Variants in SNX6 observed in about 807,000 individuals in gnomAD.
SNX6 encodes sorting nexin-6.
SNX6 carries 34 observed loss-of-function variants against 63.0 expected under a neutral mutation model. That is an observed-to-expected ratio of 0.54 (90% CI 0.41 to 0.72). SNX6 has a LOEUF of 0.72. Among genes scored for constraint, SNX6 ranks in the 30% least tolerant of loss-of-function variants. SNX6 has a pLI of 0.00. For synonymous variants in SNX6, 170 were observed against 164.2 expected (o/e 1.04, Z -0.27); for missense variants, 398 against 471.4 (o/e 0.84, Z 1.44).
intron 2 of SNX6, among the ~76,000 whole-genome samples, chr14:34,620,448 G>A (rs1464594550): frequency 6.6e-6 from 1 of 151,928 alleles, no homozygotes; most frequent in Non-Finnish European, 1.5e-5. Flanking sequence ...GCCACTACAT[G>A]CCAGCCTGGG....
chr14:34,564,603 G>T lies in SNX6; in HGVS notation c.1168-1428C>A, dbSNP rs1011007885. ...AGCACTCTGGGAAGCCGAGGTAGGC[G>T]GATCACCTGAGGTCAGCAGTTTGAG... On this transcript the variant is annotated intron_variant, in intron 13 of 13. Transcript: ENST00000362031. 2.0e-5 allele frequency among the ~76,000 whole-genome samples: 3 copies of T among 151,964 alleles called. No homozygotes were observed. The East Asian group carries it at 5.8e-4, about 29-fold the overall frequency.
At chr14:34,624,549 G>GC (rs1883749736) in intron 2 of SNX6, among the ~76,000 whole-genome samples, 1 of 152,024 alleles carries the variant, frequency 6.6e-6, no homozygotes, top group South Asian at 2.1e-4. Context: ...TGTAATCCCA[G>GC]CACTTTGGGA....
At chr14:34,599,170 T>C (rs192777179) in intron 6 of SNX6, among the ~76,000 whole-genome samples, 3 of 152,322 alleles carry the variant, frequency 2.0e-5, no homozygotes, top group Admixed American at 6.5e-5. Flanking sequence ...TATTTTGTTA[T>C]AGCAGCCAAA....
chr14:34,574,619 CAAAAAAAAA>C (rs33959613), intron 11 of SNX6, among the ~76,000 whole-genome samples: 1 of 79,438 alleles, frequency 1.3e-5, no homozygotes, highest in Non-Finnish European at 2.5e-5. Flanking sequence ...GACTCCATCT[CAAAAAAAAA>C]AAAAAAAAAA....
At chr14:34,609,542 C>T (rs1883146587) in intron 3 of SNX6, 96 bp downstream of exon 3, 181 of 359,260 alleles carry the variant, frequency 5.0e-4, no homozygotes, top group South Asian at 2.3e-3. Flanking sequence ...AAAATAGTTT[C>T]TTTCCAATTA....
chr14:34,616,407 C>A (rs1444948676), intron 2 of SNX6, among the ~76,000 whole-genome samples: 1 of 152,084 alleles, frequency 6.6e-6, no homozygotes, highest in Non-Finnish European at 1.5e-5. Context: ...TCTTGCACTG[C>A]TACCCAGGTT....
At chr14:34,569,564 C>T (rs566890917) in intron 11 of SNX6, among the ~76,000 whole-genome samples, 21 of 152,092 alleles carry the variant, frequency 1.4e-4, no homozygotes, top group African/African-American at 4.8e-4. Flanking sequence ...GTAGCTGGGA[C>T]TACAGGCGTG....
At chr14:34,577,852 A>G (rs1881771803) in intron 10 of SNX6, among the ~76,000 whole-genome samples, 1 of 152,194 alleles carries the variant, frequency 6.6e-6, no homozygotes, top group African/African-American at 2.4e-5. Flanking sequence ...AGGTATGCAT[A>G]AAGGACACAG....
intron 4 of SNX6, among the ~76,000 whole-genome samples, chr14:34,607,068 G>C (rs1174986562): frequency 6.6e-6 from 1 of 151,846 alleles, no homozygotes; most frequent in Admixed American, 6.6e-5. Flanking sequence ...ATGAGCTACC[G>C]TGCCCAGCCC....
At chr14:34,609,603 G>A (rs757287870) in intron 3 of SNX6, 35 bp downstream of exon 3, 21 of 1,387,144 alleles carry the variant, frequency 1.5e-5, no homozygotes, top group Non-Finnish European at 2.0e-5. Flanking sequence ...TATAATAAAT[G>A]GCTAAAATAA....
At chr14:34,596,889 C>G (rs550711180) in intron 7 of SNX6, among the ~76,000 whole-genome samples, 10 of 151,936 alleles carry the variant, frequency 6.6e-5, no homozygotes, top group Admixed American at 2.0e-4. Flanking sequence ...AGGTTGGTCT[C>G]GAAAACTCCT....
Position 34,609,379 on chromosome 14 carries a change from G to T in SNX6, c.159+259C>A, listed in dbSNP as rs1442773724. The stretch of plus-strand genomic sequence containing the variant: ...GCCTGTAGTCCCAGCTACTCTGGAG[G>T]CTGAGGCAGGAGAATGGCGTGAACC... On this transcript the variant is annotated intron_variant, in intron 3 of 13. Coordinates refer to ENST00000362031, the MANE Select transcript of SNX6 (RefSeq NM_152233.4). Among the ~76,000 whole-genome samples the T allele has an allele frequency of 2.0e-5, 3 of 150,294 alleles. No homozygotes were observed. In the South Asian group the frequency reaches 6.3e-4, roughly 32 times the overall value.
intron 2 of SNX6, among the ~76,000 whole-genome samples, chr14:34,614,281 T>C (rs1334851741): frequency 4.7e-5 from 7 of 150,020 alleles, no homozygotes; most frequent in Non-Finnish European, 1.0e-4. Flanking sequence ...CCGAAAACAA[T>C]AACCAAAACA....
At chr14:34,568,321 C>T (rs1032650146) in intron 11 of SNX6, among the ~76,000 whole-genome samples, 4 of 151,564 alleles carry the variant, frequency 2.6e-5, no homozygotes, top group South Asian at 2.1e-4. Context: ...ACCTCCACCT[C>T]GCAGATTCAA....
chr14:34,578,907 C>A (rs1881820342), intron 10 of SNX6, among the ~76,000 whole-genome samples: 2 of 119,092 alleles, frequency 1.7e-5, no homozygotes, highest in African/African-American at 3.1e-5. Context: ...CCACTGCACT[C>A]CAGCCTGGCG....
intron 2 of SNX6, among the ~76,000 whole-genome samples, chr14:34,613,540 C>T (rs1883308592): frequency 6.6e-6 from 1 of 152,106 alleles, no homozygotes; most frequent in Non-Finnish European, 1.5e-5. Context: ...CGCCTGTAAT[C>T]CCAGCACTTT....
At chr14:34,582,716 T>G (rs1446247106) in intron 9 of SNX6, among the ~76,000 whole-genome samples, 1 of 151,956 alleles carries the variant, frequency 6.6e-6, no homozygotes, top group Non-Finnish European at 1.5e-5. Context: ...CTAATTTTTG[T>G]ATTTTTAGTA....
intron 10 of SNX6, among the ~76,000 whole-genome samples, chr14:34,579,825 CAAA>C (rs557462263): frequency 1.8e-5 from 2 of 114,196 alleles, no homozygotes; most frequent in Non-Finnish European, 1.9e-5. Flanking sequence ...CTGTCTCTAC[CAAA>C]AAAAAAAAAA....
intron 1 of SNX6, 40 bp from the exon 2 acceptor site, chr14:34,629,994 G>C: frequency 6.6e-7 from 1 of 1,520,426 alleles, no homozygotes; most frequent in Non-Finnish European, 8.8e-7. Context: ...GGAAAAGGAT[G>C]AGATGGGGGA....
Sources: gnomAD v4.1 joint callset for allele counts (sites outside exome capture counted in the v4.1 genomes callset) on GRCh38, gnomAD v4.1.1 for gene constraint, MANE v1.5 for transcripts, NCBI Gene and HGNC (gene_info 2026-07-23, HGNC 2026-07-21) for gene names.